Variants in HNRNPA3 observed in about 807,000 individuals in gnomAD.
HNRNPA3 encodes the protein epididymis secretory sperm binding protein.
A neutral mutation model predicts 45.8 loss-of-function variants in HNRNPA3; 3 were observed. The observed-to-expected ratio is 0.07, with a 90% CI of 0.03 to 0.17. The LOEUF is 0.17. Among genes scored for constraint, HNRNPA3 ranks in the 10% least tolerant of loss-of-function variants. HNRNPA3 has a pLI of 1.00. For missense variants in HNRNPA3, 183 were observed against 480.3 expected (o/e 0.38, Z 5.79); for synonymous variants, 170 against 155.6 (o/e 1.09, Z -0.69).
intron 4 of HNRNPA3, 112 bp from the exon 5 acceptor site, chr2:177,216,391 T>G: frequency 1.3e-6 from 1 of 785,898 alleles, no homozygotes; most frequent in Non-Finnish European, 2.1e-6. Flanking sequence ...ATTACCAGAG[T>G]CACTACCTGA....
At chr2:177,218,857 A>G (rs537282085) in intron 8 of HNRNPA3, among the ~76,000 whole-genome samples, 180 bp from the exon 9 acceptor site, 1 of 152,378 alleles carries the variant, frequency 6.6e-6, no homozygotes, top group South Asian at 2.1e-4. Flanking sequence ...GACAGCATTT[A>G]ATATAAACAA....
At chr2:177,222,439 T>C (rs562269589), downstream of HNRNPA3, 2 of 152,300 alleles carry the variant, frequency 1.3e-5, no homozygotes, top group East Asian at 3.9e-4. Flanking sequence ...ACCGTTTTGG[T>C]GTGTAAGCAT....
chr2:177,212,865 G>T, exon 1 of HNRNPA3: 1 of 1,517,682 alleles, frequency 6.6e-7, no homozygotes, highest in Non-Finnish European at 8.9e-7. Flanking sequence ...GCCGCCGGGG[G>T]GAGGAGGTAT....
intron 1 of HNRNPA3, among the ~76,000 whole-genome samples, chr2:177,214,212 T>C (rs545509604): frequency 1.3e-5 from 2 of 152,388 alleles, no homozygotes; most frequent in Admixed American, 1.3e-4. Flanking sequence ...ATTTTTGTTT[T>C]GCTGTACTCC....
At chr2:177,215,655 T>C (rs752196103) in exon 2 of HNRNPA3, 2 of 1,613,918 alleles carry the variant, frequency 1.2e-6, no homozygotes, top group Non-Finnish European at 1.7e-6. Flanking sequence ...CACTCACAGA[T>C]TGTGTGGTAA....
chr2:177,215,621 G>A, exon 2 of HNRNPA3: 4 of 1,613,946 alleles, frequency 2.5e-6, no homozygotes, highest in Non-Finnish European at 1.7e-6. Flanking sequence ...GATAGTTTAC[G>A]AGAACATTTT....
intron 1 of HNRNPA3, among the ~76,000 whole-genome samples, chr2:177,213,419 G>A (rs1392173257): frequency 6.6e-6 from 1 of 152,272 alleles, no homozygotes. Context: ...GCATGGGGAG[G>A]TAGTGCTTTC....
chr2:177,217,662 C>G, intron 7 of HNRNPA3, 43 bp from the exon 8 acceptor site: 1 of 1,610,358 alleles, frequency 6.2e-7, no homozygotes, highest in Non-Finnish European at 8.5e-7. Context: ...CGTGACTATA[C>G]ACTTAAGTTT....
chr2:177,217,262 C>T (rs750876581), intron 7 of HNRNPA3, among the ~76,000 whole-genome samples: 9 of 152,220 alleles, frequency 5.9e-5, no homozygotes, highest in African/African-American at 9.6e-5. Context: ...TTCATTCTTA[C>T]TAGTGCAGAT....
chr2:177,216,323 C>A, intron 4 of HNRNPA3, 135 bp downstream of exon 4: 2 of 722,542 alleles, frequency 2.8e-6, no homozygotes, highest in Non-Finnish European at 4.5e-6. Context: ...ATAGTGTCTG[C>A]CTGTGTAATC....
downstream of HNRNPA3, chr2:177,223,623 G>A (rs1181220014): frequency 6.6e-6 from 1 of 152,204 alleles, no homozygotes; most frequent in Non-Finnish European, 1.5e-5. Flanking sequence ...AAACCTGACA[G>A]TATCTTGGGA....
At chr2:177,218,890 C>A in intron 8 of HNRNPA3, 147 bp from the exon 9 acceptor site, 2 of 891,812 alleles carry the variant, frequency 2.2e-6, no homozygotes, top group East Asian at 2.6e-5. Flanking sequence ...CTTTTAATAT[C>A]CTGACATCAG....
chr2:177,215,017 C>T (rs1688869714), intron 1 of HNRNPA3, among the ~76,000 whole-genome samples: 1 of 152,210 alleles, frequency 6.6e-6, no homozygotes, highest in Non-Finnish European at 1.5e-5. Context: ...TGAAGTGATG[C>T]TGGCATTTGA....
chr2:177,217,052 G>C (rs2105431761), intron 7 of HNRNPA3, 112 bp downstream of exon 7: 1 of 1,163,664 alleles, frequency 8.6e-7, no homozygotes, highest in East Asian at 2.6e-5. Context: ...AAATGGTTAA[G>C]GTGTATTTCC....
intron 8 of HNRNPA3, among the ~76,000 whole-genome samples, chr2:177,218,460 A>C (rs1689054112): frequency 6.6e-6 from 1 of 151,840 alleles, no homozygotes; most frequent in Admixed American, 6.6e-5. Flanking sequence ...TTTATTGCCA[A>C]AATTTTACTT....
exon 9 of HNRNPA3, chr2:177,219,083 T>C: frequency 3.1e-6 from 5 of 1,614,106 alleles, no homozygotes; most frequent in East Asian, 2.2e-5. Context: ...GAAATTATAG[T>C]GGACAACAGC....
downstream of HNRNPA3, chr2:177,223,412 T>A (rs140198912): frequency 3.0e-4 from 46 of 152,110 alleles, no homozygotes; most frequent in East Asian, 7.9e-3. Flanking sequence ...AAAAAAAAGT[T>A]GTTATATAAG....
At chr2:177,217,055 G>T (rs976267419) in intron 7 of HNRNPA3, 115 bp downstream of exon 7, 15 of 1,145,952 alleles carry the variant, frequency 1.3e-5, no homozygotes, top group Non-Finnish European at 1.4e-5. Flanking sequence ...TGGTTAAGGT[G>T]TATTTCCAAA....
chr2:177,218,124 T>G (rs1689035183), intron 8 of HNRNPA3, among the ~76,000 whole-genome samples: 2 of 144,900 alleles, frequency 1.4e-5, no homozygotes, highest in East Asian at 4.2e-4. Context: ...TGCAGTGGCG[T>G]GATCTCAGCT....
Sources: allele counts gnomAD v4.1 joint callset (sites outside exome capture counted in the v4.1 genomes callset), GRCh38; gene constraint gnomAD v4.1.1; transcripts MANE v1.5; gene names NCBI Gene and HGNC (gene_info 2026-07-23, HGNC 2026-07-21).